The following SREBF2 variants were observed in gnomAD, a reference collection of about 807,000 sequenced individuals.
SREBF2 encodes the protein sterol regulatory element-binding protein 2.
A neutral mutation model predicts 113.1 loss-of-function variants in SREBF2; 55 were observed. The ratio of observed to expected loss-of-function variants is 0.49; its 90% CI spans 0.39 to 0.61. SREBF2 has a LOEUF of 0.61. SREBF2 is among the 20% of genes least tolerant of loss of function. SREBF2 has a pLI of 0.00. For missense variants in SREBF2, 1,349 were observed against 1,487.4 expected, an observed-to-expected ratio of 0.91 and a Z score of 1.53; for synonymous variants, 593 against 605.7, an observed-to-expected ratio of 0.98 and a Z score of 0.31.
Position 41,833,413 on chromosome 22 carries a change from G to A in SREBF2, c.88+55G>A. On this transcript the variant is annotated intron_variant, in intron 1 of 18. Transcript: ENST00000361204. This position sits in a 1 kb window ranked among gnomAD's most constrained non-coding sequence, Gnocchi z 4.1. ...GCCGCGCGGGGAGGAAGGGGTTACG[G>A]CGGCGCGCCCGGGTGCGCGTGCGCC... 6.8e-7 allele frequency: 1 copy of A among 1,478,922 alleles called. No homozygotes were observed. The allele number at this position is 1,478,922 out of a possible 1,614,324, so 91.6% of individuals were successfully genotyped here.
At chr22:41,874,761 G>A (rs1476108009) in intron 5 of SREBF2, among the ~76,000 whole-genome samples, 1 of 152,142 alleles carries the variant, frequency 6.6e-6, no homozygotes, top group Non-Finnish European at 1.5e-5. Context: ...CAAAAAATTA[G>A]CCGGGCGTGC....
intron 15 of SREBF2, 172 bp downstream of exon 15, chr22:41,898,953 C>A: frequency 5.4e-6 from 5 of 920,654 alleles, no homozygotes; most frequent in Non-Finnish European, 6.7e-6. Context: ...TCAAGTTGGG[C>A]CAGCAGGTCC....
chr22:41,900,818 T>C (rs973423434), intron 16 of SREBF2: 2 of 514,878 alleles, frequency 3.9e-6, no homozygotes, highest in African/African-American at 3.9e-5. Flanking sequence ...GCTCCAGCGG[T>C]TTGCGTGACT....
In SREBF2 at chr22:41,833,504, A is replaced by G; in HGVS notation, c.88+146A>G. 1.7e-6 allele frequency: 1 copy of G among 595,862 alleles called. No homozygotes were observed. Among genetic ancestry groups the G allele is most frequent in the South Asian group, 2.6e-5 (1 of 38,988 alleles). 36.9% of individuals were successfully genotyped at this position (595,862 alleles called of 1,614,324 possible). A position where few individuals can be genotyped will look rare whatever the true frequency, so the allele number is the denominator to read the frequency against. ...GCGCACGGTGCCCCCGGCGGTCCTC[A>G]ACCCTTCCGGCGCTGCGAGCGTGAG... On this transcript the variant is annotated intron_variant, in intron 1 of 18. Transcript: ENST00000361204. This position sits in a 1 kb window ranked among gnomAD's most constrained non-coding sequence, Gnocchi z 4.1.
intron 12 of SREBF2, 21 bp from the exon 13 acceptor site, chr22:41,894,799 C>A (rs762254240): frequency 2.5e-6 from 4 of 1,608,168 alleles, no homozygotes; most frequent in South Asian, 1.1e-5. Context: ...ATTTAACCCC[C>A]CTTGCCTGTC....
At position 41,894,947 on chromosome 22, in the gene SREBF2, C is replaced by T. The variant is rs761490965; in HGVS notation, c.2495+10C>T. The T allele has an allele frequency of 4.3e-6, 7 of 1,609,786 alleles. No individual in the cohort carries two copies. The highest frequency in any genetic ancestry group is 6.0e-6 in the Non-Finnish European group (7 of 1,176,408). On this transcript the variant is annotated intron_variant, in intron 13 of 18. Coordinates refer to ENST00000361204, the MANE Select transcript of SREBF2 (RefSeq NM_004599.4). ...AGGAAGAAGAGAGCTGGTAAAGTCC[C>T]CAGACCAGTCCCCCTGCCTTAGGAC...
chr22:41,863,815 C>T (rs1177595394), intron 1 of SREBF2, among the ~76,000 whole-genome samples: 3 of 152,098 alleles, frequency 2.0e-5, no homozygotes, highest in Non-Finnish European at 4.4e-5. Flanking sequence ...CCAGTTATCC[C>T]ATATGGAGAC....
chr22:41,844,578 G>A (rs1569371026), intron 1 of SREBF2, among the ~76,000 whole-genome samples: 2 of 152,126 alleles, frequency 1.3e-5, no homozygotes, highest in Admixed American at 6.5e-5. Context: ...AACTATCGAA[G>A]GGCTTGCAAA....
At chr22:41,838,465 GC>G (rs146585604) in intron 1 of SREBF2, among the ~76,000 whole-genome samples, 13,111 of 152,186 alleles carry the variant, frequency 0.086, 733 homozygotes, top group Middle Eastern at 0.18. Context: ...GGGCTCAGTG[GC>G]TCATGCCTGT....
intron 1 of SREBF2, among the ~76,000 whole-genome samples, chr22:41,849,840 T>C (rs981723372): frequency 4.6e-5 from 7 of 152,090 alleles, no homozygotes; most frequent in African/African-American, 1.7e-4. Flanking sequence ...GAAATGAACA[T>C]TGAAAGTAAT....
chr22:41,892,408 G>A (rs978642734), intron 11 of SREBF2, among the ~76,000 whole-genome samples: 1 of 152,168 alleles, frequency 6.6e-6, no homozygotes, highest in Non-Finnish European at 1.5e-5. Context: ...CCAGCACTTT[G>A]GGAGGCCGAG....
Position 41,893,199 on chromosome 22 carries a change from C to T in SREBF2, c.2291C>T (p.Pro764Leu). 1 of 1,614,172 alleles carries T rather than the reference C, an allele frequency of 6.2e-7. No individual in the cohort carries two copies. Among genetic ancestry groups the T allele is most frequent in the Non-Finnish European group, 8.5e-7 (1 of 1,180,036 alleles). The change falls in exon 12 of 19, where the codon CCC becomes CTC. Residue 764 changes from proline to leucine, a missense_variant. Pro to Leu is a moderately conservative substitution (Grantham distance 98, BLOSUM62 -3). This residue lies in a region of SREBF2 where 650 missense variants were observed against 644.1 expected (regional missense o/e 1.01). Transcript: ENST00000361204. ...GACTCCCTGCGCTGGCTCTGCCACC[C>T]CCTGGGCCAGAAGTTTTTCATGGAG... ...VPDSLRWLCH[P>L]LGQKFFMERS...
intron 13 of SREBF2, among the ~76,000 whole-genome samples, chr22:41,896,065 C>T (rs897096080): frequency 5.9e-5 from 9 of 151,424 alleles, no homozygotes; most frequent in African/African-American, 1.7e-4. Flanking sequence ...GGCATGAATC[C>T]GGGAGGCGGA....
intron 1 of SREBF2, among the ~76,000 whole-genome samples, chr22:41,838,269 T>C (rs2076797419): frequency 6.6e-6 from 1 of 152,190 alleles, no homozygotes; most frequent in Non-Finnish European, 1.5e-5. Context: ...AATGAAAGTT[T>C]ACTAGAGATT....
intron 11 of SREBF2, among the ~76,000 whole-genome samples, chr22:41,887,546 T>G (rs2284085): frequency 0.08 from 12,114 of 152,266 alleles, 550 homozygotes; most frequent in East Asian, 0.15. Flanking sequence ...TAAGAATCAT[T>G]ATGTTGTTAT....
chr22:41,866,233 T>C lies in SREBF2; in HGVS notation c.89-598T>C, dbSNP rs180687534. The stretch of plus-strand genomic sequence containing the variant: ...AGCACCCATCTAGTACAAAGGTAGT[T>C]CCTTTTATGATCAAAACAATCAGGA... On this transcript the variant is annotated intron_variant, in intron 1 of 18. Coordinates refer to ENST00000361204, the MANE Select transcript of SREBF2 (RefSeq NM_004599.4). Among the ~76,000 whole-genome samples the C allele has an allele frequency of 8.5e-5, 13 of 152,272 alleles. 1 individual carries two copies. In the South Asian group the frequency reaches 1.9e-3, roughly 22 times the overall value.
At chr22:41,901,644 G>T (rs2077466289) in intron 16 of SREBF2, among the ~76,000 whole-genome samples, 1 of 152,208 alleles carries the variant, frequency 6.6e-6, no homozygotes, top group African/African-American at 2.4e-5. Context: ...CTGGGCAACA[G>T]AGCGAGACTC....
chr22:41,900,921 G>A (rs770499293), intron 16 of SREBF2: 1 of 537,620 alleles, frequency 1.9e-6, no homozygotes, highest in Non-Finnish European at 3.8e-6. Context: ...TCCTTGGCTG[G>A]CCGCATACCT....
intron 6 of SREBF2, 42 bp from the exon 7 acceptor site, chr22:41,875,501 G>A (rs1329606201): frequency 6.2e-7 from 1 of 1,614,246 alleles, no homozygotes; most frequent in East Asian, 2.2e-5. Flanking sequence ...GTGGGGCTTT[G>A]TAAAAGCAGA....
Sources: gnomAD v4.1 joint callset for allele counts (sites outside exome capture counted in the v4.1 genomes callset) on GRCh38, gnomAD v4.1.1 for gene constraint, gnomAD v4.1.1 regional missense constraint, Gnocchi (gnomAD v3.1) non-coding constraint, MANE v1.5 for transcripts, NCBI Gene and HGNC (gene_info 2026-07-23, HGNC 2026-07-21) for gene names.